ELAVL4: variants seen among roughly 807,000 people sequenced by gnomAD.
The protein encoded by ELAVL4 is ELAV like RNA binding protein 4, also known as ELAV-like protein 4.
Under a neutral mutation model 35.6 loss-of-function variants are expected in ELAVL4, and 1 was observed. The ratio of observed to expected loss-of-function variants is 0.03; its 90% confidence interval spans 0.01 to 0.13. ELAVL4 has a LOEUF of 0.13. Among genes scored for constraint, ELAVL4 ranks in the 10% least tolerant of loss-of-function variants. The probability of loss-of-function intolerance (pLI) is 1.00; values close to 1 mark genes in which losing one functional copy is unlikely to be tolerated. For synonymous variants in ELAVL4, 156 were observed against 171.0 expected (o/e 0.91, Z 0.69); for missense variants, 267 against 464.9 (o/e 0.57, Z 3.91).
At chr1:50,086,421 A>G (rs1665243054) in intron 1 of ELAVL4, among the ~76,000 whole-genome samples, 1 of 151,604 alleles carries the variant, frequency 6.6e-6, no homozygotes, top group South Asian at 2.1e-4. Context: ...ATAAGGTATA[A>G]CTAGATAAGA....
At chr1:50,055,440 C>T (rs2148471776) in intron 1 of ELAVL4, among the ~76,000 whole-genome samples, 1 of 152,160 alleles carries the variant, frequency 6.6e-6, no homozygotes, top group East Asian at 2.0e-4. Context: ...GCTGGGACTA[C>T]AGGCGCCCGC....
At chr1:50,187,915 G>C (rs1482916811) in intron 3 of ELAVL4, among the ~76,000 whole-genome samples, 1 of 152,140 alleles carries the variant, frequency 6.6e-6, no homozygotes, top group African/African-American at 2.4e-5. Flanking sequence ...GGCCAACATA[G>C]TGAAATCCCT....
chr1:50,124,306 G>A lies in ELAVL4; in HGVS notation c.9+15108G>A, dbSNP rs375355844. Among the ~76,000 whole-genome samples, 8 of 152,042 alleles carry A rather than the reference G, an allele frequency of 5.3e-5. No individual in the cohort carries two copies. In the East Asian group the frequency reaches 1.4e-3, roughly 26 times the overall value. On this transcript the variant is annotated intron_variant, in intron 1 of 6. Coordinates refer to ENST00000371824, the MANE Select transcript of ELAVL4 (RefSeq NM_001144774.3). ...TTATGTCACTTGCTGTCTGTACCAC[G>A]CAGTTAACAATGACACATCACAATA...
rs1481917845 is a variant in ELAVL4, at chr1:50,202,906, T to C, written c.*1728T>C. On this transcript the variant is annotated 3_prime_UTR_variant, in exon 7 of 7. Transcript: ENST00000371824. ...AAAAACAACTGAGTCTTTATTTTAA[T>C]GTAACTCAGATTGGGGAAAACAAAA... 6.6e-6 allele frequency: 1 copy of C among 152,186 alleles called. No homozygotes were observed. The highest frequency in any genetic ancestry group is 6.5e-5 in the Admixed American group (1 of 15,272). The allele number at this position is 152,186 out of a possible 1,614,324, so 9.4% of individuals were successfully genotyped here. A position where few individuals can be genotyped will look rare whatever the true frequency, so the allele number is the denominator to read the frequency against.
At chr1:50,094,801 G>A (rs1036470040) in intron 1 of ELAVL4, among the ~76,000 whole-genome samples, 1 of 151,654 alleles carries the variant, frequency 6.6e-6, no homozygotes, top group Non-Finnish European at 1.5e-5. Context: ...TTGATGGCAG[G>A]TGCCTGTAAT....
rs1680703103 is a variant in ELAVL4 at position 50,179,666 on chromosome 1, G to A, written c.354+2474G>A. The A allele has an allele frequency of 2.6e-5, 4 of 152,218 alleles. No homozygotes were observed. The South Asian group carries it at 6.2e-4, about 24-fold the overall frequency. 9.4% of individuals were successfully genotyped at this position (152,218 alleles called of 1,614,324 possible). A position where few individuals can be genotyped will look rare whatever the true frequency, so the allele number is the denominator to read the frequency against. ...GGAAAAAAACCAAGTATCTTCTTTG[G>A]AAGCGTACATTACAGAGGTCTCAGG... On this transcript the variant is annotated intron_variant, in intron 3 of 6. Coordinates refer to ENST00000371824, the MANE Select transcript of ELAVL4 (RefSeq NM_001144774.3).
intron 3 of ELAVL4, among the ~76,000 whole-genome samples, chr1:50,181,544 C>T (rs753081731): frequency 2.6e-5 from 4 of 152,206 alleles, no homozygotes; most frequent in Non-Finnish European, 5.9e-5. Flanking sequence ...CAGCCTGGAA[C>T]CCCACTTAGG....
At chr1:50,175,540 T>C (rs1301492203) in intron 2 of ELAVL4, 1 of 152,200 alleles carries the variant, frequency 6.6e-6, no homozygotes, top group African/African-American at 2.4e-5. Context: ...GTGAAGGGCA[T>C]GTCTGGTAAA....
Position 50,184,230 on chromosome 1 carries a change from C to T in ELAVL4, c.354+7038C>T, listed in dbSNP as rs190136949. Among the ~76,000 whole-genome samples, 13 of 152,188 alleles carry T rather than the reference C, an allele frequency of 8.5e-5. No homozygotes were observed. The East Asian group carries it at 2.3e-3, about 27-fold the overall frequency. On this transcript the variant is annotated intron_variant, in intron 3 of 6. Coordinates refer to ENST00000371824, the MANE Select transcript of ELAVL4 (RefSeq NM_001144774.3). ...CTCTGCTCAGTGAAGGTGATACGTT[C>T]CCAGTATCTTGAAGTTCATTCATAG...
intron 2 of ELAVL4, among the ~76,000 whole-genome samples, chr1:50,148,479 A>G (rs1405908450): frequency 1.3e-5 from 2 of 152,216 alleles, no homozygotes; most frequent in African/African-American, 2.4e-5. Context: ...TTTACTGAAA[A>G]TGCCAGTTTT....
At chr1:50,069,770 A>G (rs946159174) in intron 1 of ELAVL4, among the ~76,000 whole-genome samples, 5 of 152,158 alleles carry the variant, frequency 3.3e-5, no homozygotes, top group African/African-American at 9.7e-5. Context: ...AGCCCTTATC[A>G]TCACTCTCTG....
chr1:50,161,249 C>T (rs1218395720), intron 2 of ELAVL4, among the ~76,000 whole-genome samples: 1 of 151,264 alleles, frequency 6.6e-6, no homozygotes, highest in East Asian at 1.9e-4. Context: ...AAATCATCCT[C>T]TTTTTTTTTC....
intron 2 of ELAVL4, among the ~76,000 whole-genome samples, chr1:50,160,157 G>A (rs887371792): frequency 4.6e-5 from 7 of 152,084 alleles, no homozygotes; most frequent in African/African-American, 9.7e-5. Context: ...AATCTCACTC[G>A]TATTCCTGGG....
At position 50,195,747 on chromosome 1, in the gene ELAVL4, G is replaced by T. The variant is rs761620230; in HGVS notation, c.695G>T (p.Arg232Leu). The stretch of plus-strand genomic sequence containing the variant: ...CAGCTCTACCAGTCCCCCAACCGGC[G>T]CTACCCAGGTCCACTTCACCACCAG... ...LSQLYQSPNR[R>L]YPGPLHHQAQ... is the part of the protein sequence containing the mutation. The change falls in exon 5 of 7, where the codon CGC becomes CTC. Residue 232 changes from arginine (R) to leucine (L), a missense_variant. Physicochemically the swap from Arg to Leu is moderately radical, Grantham distance 102. This residue lies in a region of ELAVL4 where 216 missense variants were observed against 409.5 expected (regional missense o/e 0.53). Transcript: ENST00000371824. 5.6e-6 allele frequency: 9 copies of T among 1,613,956 alleles called. No individual in the cohort carries two copies. The highest frequency in any genetic ancestry group is 8.5e-7 in the Non-Finnish European group (1 of 1,179,994).
At position 50,195,735 on chromosome 1, in the gene ELAVL4, C is replaced by A; in HGVS notation, c.683C>A (p.Ser228Tyr). The A allele has an allele frequency of 6.2e-7, 1 of 1,614,124 alleles. No homozygotes were observed. Among genetic ancestry groups the A allele is most frequent in the Non-Finnish European group, 8.5e-7 (1 of 1,179,986 alleles). Residue 228 changes from serine to tyrosine, a missense_variant, in exon 5 of 7, where the codon TCC (serine) becomes TAC (tyrosine). Ser to Tyr is a moderately radical substitution (Grantham distance 144). This residue lies in a region of ELAVL4 where 216 missense variants were observed against 409.5 expected (regional missense o/e 0.53). Transcript: ENST00000371824. ...GCCCTGCTCTCCCAGCTCTACCAGT[C>A]CCCCAACCGGCGCTACCCAGGTCCA... ...SQALLSQLYQ[S>Y]PNRRYPGPLH...
At chr1:50,053,317 T>C (rs975536656) in intron 1 of ELAVL4, among the ~76,000 whole-genome samples, 23 of 152,304 alleles carry the variant, frequency 1.5e-4, no homozygotes, top group South Asian at 4.1e-4. Context: ...CCTACAACCA[T>C]TTCAGATGAC....
chr1:50,144,146 C>A (rs1673287274), intron 1 of ELAVL4, among the ~76,000 whole-genome samples: 1 of 152,140 alleles, frequency 6.6e-6, no homozygotes, highest in Non-Finnish European at 1.5e-5. Flanking sequence ...GGGATTCATT[C>A]ATTTCTTTAT....
intron 1 of ELAVL4, among the ~76,000 whole-genome samples, chr1:50,141,307 A>G (rs1326180202): frequency 6.6e-6 from 1 of 152,208 alleles, no homozygotes; most frequent in African/African-American, 2.4e-5. Flanking sequence ...GGGTAACCTG[A>G]AAAAGGTAGA....
chr1:50,178,769 C>G (rs1055014573), intron 3 of ELAVL4, among the ~76,000 whole-genome samples: 2 of 152,158 alleles, frequency 1.3e-5, no homozygotes, highest in Non-Finnish European at 2.9e-5. Flanking sequence ...TGAGGCCACA[C>G]TAGACTGAGA....
Sources: gnomAD v4.1 joint callset for allele counts (sites outside exome capture counted in the v4.1 genomes callset) on GRCh38, gnomAD v4.1.1 for gene constraint, gnomAD v4.1.1 regional missense constraint, MANE v1.5 for transcripts, NCBI Gene and HGNC (gene_info 2026-07-23, HGNC 2026-07-21) for gene names.